The following PFKFB3 variants were observed in gnomAD, a reference collection of about 807,000 sequenced individuals.
The protein encoded by PFKFB3 is 6-phosphofructo-2-kinase/fructose-2,6-bisphosphatase 3.
In PFKFB3, 33 loss-of-function variants were observed where a neutral mutation model predicts 68.0. The ratio of observed to expected loss-of-function variants is 0.49; its 90% CI spans 0.37 to 0.65. PFKFB3 has a LOEUF of 0.65. PFKFB3 is among the 30% of genes least tolerant of loss of function. The pLI, the probability that PFKFB3 is intolerant of heterozygous loss-of-function variation, is 0.00. For synonymous variants in PFKFB3, 315 were observed against 288.2 expected (o/e 1.09, Z -0.94); for missense variants, 586 against 712.2 (o/e 0.82, Z 2.02).
At chr10:6,151,902 T>C (rs1841602223) in intron 1 of PFKFB3, among the ~76,000 whole-genome samples, 2 of 151,842 alleles carry the variant, frequency 1.3e-5, no homozygotes, top group South Asian at 4.2e-4. Context: ...GGACGCCTTG[T>C]TTCTCGGAAG....
intron 1 of PFKFB3, among the ~76,000 whole-genome samples, chr10:6,147,979 G>A (rs888544557): frequency 1.3e-5 from 2 of 152,260 alleles, no homozygotes; most frequent in Non-Finnish European, 2.9e-5. Context: ...TCACTTATGG[G>A]AGGAACTAGT....
upstream of PFKFB3, among the ~76,000 whole-genome samples, chr10:6,199,425 T>C (rs1843259025): frequency 6.6e-6 from 1 of 151,568 alleles, no homozygotes; most frequent in South Asian, 2.1e-4. Context: ...CACTGTCCTC[T>C]CAAGGCTGGA....
At chr10:6,240,431 A>AT (rs1404484097), downstream of PFKFB3, among the ~76,000 whole-genome samples, 1 of 151,250 alleles carries the variant, frequency 6.6e-6, no homozygotes, top group African/African-American at 2.4e-5. Context: ...CGCCCAGATA[A>AT]TTTTCGCATT....
At chr10:6,199,237 C>T (rs961214831), upstream of PFKFB3, among the ~76,000 whole-genome samples, 11 of 152,298 alleles carry the variant, frequency 7.2e-5, no homozygotes, top group Middle Eastern at 3.4e-3. Flanking sequence ...TCTGGGGCAG[C>T]GGGTAGGTCC....
intron 1 of PFKFB3, among the ~76,000 whole-genome samples, chr10:6,183,365 C>T (rs1842772625): frequency 1.3e-5 from 2 of 152,090 alleles, no homozygotes; most frequent in South Asian, 4.1e-4. Context: ...CACTAGGATT[C>T]TGTTTACTAA....
chr10:6,217,275 C>A, intron 6 of PFKFB3, 84 bp downstream of exon 6: 1 of 1,254,578 alleles, frequency 8.0e-7, no homozygotes, highest in African/African-American at 1.5e-5. Context: ...GGACCGGGTC[C>A]GGCTCGGAAG....
intron 14 of PFKFB3, among the ~76,000 whole-genome samples, chr10:6,244,819 G>A (rs60920562): frequency 0.039 from 5,937 of 152,224 alleles, 211 homozygotes; most frequent in African/African-American, 0.091. Flanking sequence ...TCGTTCATTC[G>A]TAATTGAGAG....
At chr10:6,274,848 AAAAAC>A in the PFKFB3 span, among the ~76,000 whole-genome samples, 1 of 152,040 alleles carries the variant, frequency 6.6e-6, no homozygotes, top group Non-Finnish European at 1.5e-5. Context: ...AAAAAAAACA[AAAAAC>A]AAAACTGCAA....
At chr10:6,289,686 G>C in the PFKFB3 span, among the ~76,000 whole-genome samples, 6 of 152,118 alleles carry the variant, frequency 3.9e-5, no homozygotes, top group African/African-American at 1.4e-4. Flanking sequence ...TTGGCGATGC[G>C]GGCTCTTTTT....
At chr10:6,219,794 A>C in intron 7 of PFKFB3, 101 bp downstream of exon 7, 1 of 1,362,222 alleles carries the variant, frequency 7.3e-7, no homozygotes, top group South Asian at 1.3e-5. Context: ...CCTTTAAAAA[A>C]ATTTTTTTAA....
At chr10:6,205,315 T>C (rs905041042) in intron 1 of PFKFB3, among the ~76,000 whole-genome samples, 1 of 152,074 alleles carries the variant, frequency 6.6e-6, no homozygotes, top group African/African-American at 2.4e-5. Flanking sequence ...GTGTTTCTAT[T>C]TGGTATCTTT....
At chr10:6,247,510 C>T (rs911308437) in intron 14 of PFKFB3, among the ~76,000 whole-genome samples, 1 of 152,246 alleles carries the variant, frequency 6.6e-6, no homozygotes, top group Non-Finnish European at 1.5e-5. Flanking sequence ...AGGAAAAATA[C>T]ATCCAATCGG....
At chr10:6,167,462 CTT>C (rs1478098681) in intron 1 of PFKFB3, among the ~76,000 whole-genome samples, 4 of 152,186 alleles carry the variant, frequency 2.6e-5, no homozygotes, top group Admixed American at 6.5e-5. Flanking sequence ...TTAGGAGTCT[CTT>C]TTTTGTTTCT....
chr10:6,202,203 C>T (rs1414651157), upstream of PFKFB3, among the ~76,000 whole-genome samples: 1 of 152,240 alleles, frequency 6.6e-6, no homozygotes, highest in Non-Finnish European at 1.5e-5. Flanking sequence ...CTCCCCGGGG[C>T]TTTCCCGCCC....
chr10:6,180,067 G>T (rs1316013868), intron 1 of PFKFB3, among the ~76,000 whole-genome samples: 4 of 152,092 alleles, frequency 2.6e-5, no homozygotes, highest in African/African-American at 7.2e-5. Flanking sequence ...TGTGGGCCAG[G>T]CTCGGTGGCG....
intron 5 of PFKFB3, among the ~76,000 whole-genome samples, 155 bp from the exon 6 acceptor site, chr10:6,216,980 C>T (rs934088541): frequency 1.3e-5 from 2 of 152,106 alleles, no homozygotes; most frequent in Non-Finnish European, 2.9e-5. Flanking sequence ...GGCCATGGGG[C>T]GTTCCAGAGG....
At chr10:6,303,692 C>T in the PFKFB3 span, among the ~76,000 whole-genome samples, 15,368 of 150,188 alleles carry the variant, frequency 0.1, 1,009 homozygotes, top group Non-Finnish European at 0.15. Context: ...AGGCGCTACT[C>T]GGGAGGCTGC....
chr10:6,245,210 C>T (rs1454474511), intron 14 of PFKFB3, among the ~76,000 whole-genome samples: 3 of 151,998 alleles, frequency 2.0e-5, no homozygotes, highest in African/African-American at 7.3e-5. Flanking sequence ...AATTCTCCTT[C>T]CTCAGCCTCC....
At chr10:6,219,501 A>G (rs746774836) in intron 6 of PFKFB3, 68 bp from the exon 7 acceptor site, 1 of 1,591,068 alleles carries the variant, frequency 6.3e-7, no homozygotes, top group East Asian at 2.2e-5. Context: ...GAAAGCCCCA[A>G]ATCCTGCTTA....
Sources: allele counts gnomAD v4.1 joint callset (sites outside exome capture counted in the v4.1 genomes callset), GRCh38; gene constraint gnomAD v4.1.1; transcripts MANE v1.5; gene names NCBI Gene and HGNC (gene_info 2026-07-23, HGNC 2026-07-21).